ARHGEF6: variants seen among roughly 807,000 people sequenced by gnomAD.
The protein encoded by ARHGEF6 is rho guanine nucleotide exchange factor 6.
A neutral mutation model predicts 70.3 loss-of-function variants in ARHGEF6; 9 were observed. That is an observed-to-expected ratio of 0.13 (90% confidence interval 0.08 to 0.22). The LOEUF (loss-of-function observed/expected upper bound fraction) is 0.22. Among genes scored for constraint, ARHGEF6 ranks in the 10% least tolerant of loss-of-function variants. The pLI is 1.00. For synonymous variants in ARHGEF6, 201 were observed against 207.8 expected (o/e 0.97, Z 0.28); for missense variants, 470 against 563.0 (o/e 0.83, Z 1.67).
At chrX:136,768,590 A>G (rs1046968579) in intron 2 of ARHGEF6, 1 of 112,482 alleles carries the variant, frequency 8.9e-6, no homozygotes, top group Non-Finnish European at 1.9e-5. Context: ...GGCCTGGGAA[A>G]GGAGATCCTG....
At chrX:136,734,506 A>T (rs2076967065) in intron 5 of ARHGEF6, among the ~76,000 whole-genome samples, 1 of 112,176 alleles carries the variant, frequency 8.9e-6, no homozygotes, top group Non-Finnish European at 1.9e-5. Flanking sequence ...TTGAACTTAT[A>T]AATTTAAAAC....
At chrX:136,753,081 A>C (rs1026570476) in intron 2 of ARHGEF6, among the ~76,000 whole-genome samples, 1 of 112,070 alleles carries the variant, frequency 8.9e-6, no homozygotes, top group Non-Finnish European at 1.9e-5. Flanking sequence ...AGCAACAAAT[A>C]ATGCTCTTAG....
intron 2 of ARHGEF6, among the ~76,000 whole-genome samples, chrX:136,766,732 T>C (rs1461194176): frequency 8.9e-6 from 1 of 112,560 alleles, no homozygotes; most frequent in Non-Finnish European, 1.9e-5. Flanking sequence ...CTACAAACCA[T>C]TCCTGCGACA....
chrX:136,767,112 T>TC, intron 2 of ARHGEF6: 1 of 754,402 alleles, frequency 1.3e-6, no homozygotes, highest in Non-Finnish European at 1.6e-6. Context: ...GCGCTCCCCT[T>TC]CCCCTGACCC....
At chrX:136,767,580 G>A in intron 2 of ARHGEF6, 1 of 754,767 alleles carries the variant, frequency 1.3e-6, no homozygotes, top group East Asian at 1.5e-4. Flanking sequence ...TGCCGGAGGC[G>A]CGCCCCGCTG....
chrX:136,727,319 CTTTCTTTTTCTTTCTTTCTT>C (rs1215584553), intron 6 of ARHGEF6, among the ~76,000 whole-genome samples: 1 of 55,515 alleles, frequency 1.8e-5, no homozygotes, highest in African/African-American at 1.2e-4. Context: ...TTCTTTCTTT[CTTTCTTTTTCTTTCTTTCTT>C]TCTTTCTTTC....
intron 21 of ARHGEF6, 28 bp from the exon 22 acceptor site, chrX:136,668,197 TCAAA>T: frequency 3.3e-6 from 4 of 1,209,578 alleles, no homozygotes; most frequent in Non-Finnish European, 3.4e-6. Flanking sequence ...TTGTTGATTA[TCAAA>T]CAGAGGGGGG....
chrX:136,768,066 C>T (rs1361894760), intron 2 of ARHGEF6, among the ~76,000 whole-genome samples: 1 of 111,091 alleles, frequency 9.0e-6, no homozygotes, highest in East Asian at 2.8e-4. Context: ...TCCCTCACCC[C>T]CAGATGCAAC....
intron 5 of ARHGEF6, among the ~76,000 whole-genome samples, chrX:136,734,209 A>G (rs1312064861): frequency 3.6e-5 from 4 of 112,027 alleles, no homozygotes; most frequent in Admixed American, 1.9e-4. Context: ...CAAGTGGAGC[A>G]TAGCCAGTTC....
intron 2 of ARHGEF6, among the ~76,000 whole-genome samples, chrX:136,775,608 A>G (rs1319684732): frequency 1.8e-5 from 2 of 111,790 alleles, no homozygotes; most frequent in Non-Finnish European, 3.8e-5. Context: ...CAGGGAAAAG[A>G]TGAAAACATT....
At chrX:136,687,071 G>A (rs1211217898) in intron 11 of ARHGEF6, among the ~76,000 whole-genome samples, 8 of 110,692 alleles carry the variant, frequency 7.2e-5, no homozygotes. Flanking sequence ...AGAAAAAATA[G>A]AAGAACCATA....
At chrX:136,767,010 C>A in intron 2 of ARHGEF6, 7 of 592,770 alleles carry the variant, frequency 1.2e-5, no homozygotes, top group Non-Finnish European at 1.0e-5. Context: ...AGAGAACGGA[C>A]CCCGCAGCTG....
At chrX:136,713,931 T>G (rs1260630333) in intron 6 of ARHGEF6, among the ~76,000 whole-genome samples, 1 of 112,165 alleles carries the variant, frequency 8.9e-6, no homozygotes, top group Non-Finnish European at 1.9e-5. Context: ...CAGTATAATT[T>G]AAGGATCACT....
rs2077440618 is a variant in ARHGEF6, at chrX:136,780,743, C to T, written c.140G>A (p.Arg47Lys). ...CTTTTCCACAGAGCCAGGCATGAGT[C>T]TGTTGATCAGTTTGCACAGAACTAC... ...NGVVLCKLIN[R>K]LMPGSVEKFC... The change falls in exon 1 of 22, where the codon AGA (arginine) becomes AAA (lysine). Residue 47 changes from arginine (R) to lysine (K), a missense_variant. Coordinates refer to ENST00000250617, the MANE Select transcript of ARHGEF6 (RefSeq NM_004840.3). 6 of 1,209,608 alleles carry T rather than the reference C, an allele frequency of 5.0e-6. No individual in the cohort carries two copies. In the Admixed American group the frequency reaches 6.6e-5, roughly 13 times the overall value.
intron 11 of ARHGEF6, among the ~76,000 whole-genome samples, chrX:136,686,621 T>TAC (rs1176678410): frequency 2.6e-4 from 18 of 68,537 alleles, no homozygotes; most frequent in African/African-American, 4.7e-4. Context: ...TATATATATA[T>TAC]ACACATATAT....
intron 5 of ARHGEF6, 107 bp from the exon 6 acceptor site, chrX:136,732,279 A>G (rs757249616): frequency 5.0e-6 from 3 of 602,400 alleles, no homozygotes; most frequent in Non-Finnish European, 8.3e-6. Context: ...GGAAGGATCA[A>G]TGGAAATGTA....
At chrX:136,778,014 A>C (rs886712948) in intron 2 of ARHGEF6, among the ~76,000 whole-genome samples, 1 of 111,141 alleles carries the variant, frequency 9.0e-6, no homozygotes, top group Non-Finnish European at 1.9e-5. Context: ...GTGAGGGATA[A>C]AAGACTCTAC....
intron 2 of ARHGEF6, among the ~76,000 whole-genome samples, chrX:136,778,993 C>T (rs907578273): frequency 4.5e-5 from 5 of 111,748 alleles, no homozygotes; most frequent in Non-Finnish European, 9.4e-5. Context: ...AAGCCAAGTT[C>T]TCTCAGCTTT....
chrX:136,720,687 T>C (rs1322408808), intron 6 of ARHGEF6, among the ~76,000 whole-genome samples: 5 of 111,559 alleles, frequency 4.5e-5, no homozygotes, highest in Non-Finnish European at 9.4e-5. Flanking sequence ...ATAAAAGGTA[T>C]ACACATTGGG....
Sources: allele counts gnomAD v4.1 joint callset (sites outside exome capture counted in the v4.1 genomes callset), GRCh38; gene constraint gnomAD v4.1.1; transcripts MANE v1.5; gene names NCBI Gene and HGNC (gene_info 2026-07-23, HGNC 2026-07-21).